The following TMTC2 variants were observed in gnomAD, a reference collection of about 807,000 sequenced individuals.
The protein encoded by TMTC2 is transmembrane O-mannosyltransferase targeting cadherins 2.
TMTC2 carries 43 observed loss-of-function variants against 82.4 expected under a neutral mutation model. That is an observed-to-expected ratio of 0.52 (90% CI 0.41 to 0.67). The LOEUF is 0.67. Among genes scored for constraint, TMTC2 ranks in the 30% least tolerant of loss-of-function variants. TMTC2 has a pLI of 0.00. For synonymous variants in TMTC2, 408 were observed against 381.9 expected (o/e 1.07, Z -0.80); for missense variants, 919 against 1,012.4 (o/e 0.91, Z 1.25).
In TMTC2 at chr12:83,132,500, G is replaced by T; in HGVS notation, c.*111G>T. The T allele has an allele frequency of 7.9e-7, 1 of 1,259,444 alleles. No individual in the cohort carries two copies. 78.0% of individuals were successfully genotyped at this position (1,259,444 alleles called of 1,614,324 possible). A position where few individuals can be genotyped will look rare whatever the true frequency, so the allele number is the denominator to read the frequency against. On this transcript the variant is annotated 3_prime_UTR_variant, in exon 12 of 12. Coordinates refer to ENST00000321196, the MANE Select transcript of TMTC2 (RefSeq NM_152588.3). ...GCTGGTGTTAGACTTCAAGACCAGG[G>T]CAGAGGTCATTGAGGTCACTACCGC...
intron 4 of TMTC2, among the ~76,000 whole-genome samples, chr12:82,931,122 C>A (rs898210054): frequency 4.6e-5 from 7 of 152,004 alleles, no homozygotes; most frequent in African/African-American, 1.5e-4. Flanking sequence ...ATTGCCCAGA[C>A]TGGTGCCTAA....
At chr12:83,126,233 A>G (rs982975398) in intron 11 of TMTC2, among the ~76,000 whole-genome samples, 15 of 152,102 alleles carry the variant, frequency 9.9e-5, no homozygotes, top group Admixed American at 9.8e-4. Context: ...TGGGTACACA[A>G]ATAGTAAAAG....
intron 4 of TMTC2, among the ~76,000 whole-genome samples, chr12:82,959,373 C>G (rs907395634): frequency 6.6e-6 from 1 of 152,086 alleles, no homozygotes; most frequent in African/African-American, 2.4e-5. Flanking sequence ...CAAAGTAATT[C>G]TAAGCAAAAA....
intron 1 of TMTC2, among the ~76,000 whole-genome samples, chr12:82,814,238 T>C (rs1350673684): frequency 1.3e-5 from 2 of 152,276 alleles, no homozygotes; most frequent in East Asian, 3.9e-4. Flanking sequence ...GGAAAAAATT[T>C]GTTTTTCAGA....
At chr12:82,690,038 C>G (rs1348771663) in intron 1 of TMTC2, among the ~76,000 whole-genome samples, 1 of 152,284 alleles carries the variant, frequency 6.6e-6, no homozygotes, top group Middle Eastern at 3.4e-3. Flanking sequence ...AATTATGAGA[C>G]ACATAAATAG....
intron 1 of TMTC2, among the ~76,000 whole-genome samples, chr12:82,827,161 A>G (rs1189118151): frequency 1.3e-5 from 2 of 152,230 alleles, no homozygotes; most frequent in African/African-American, 2.4e-5. Context: ...AAGATGTACA[A>G]CAAAGACATT....
intron 1 of TMTC2, among the ~76,000 whole-genome samples, chr12:82,730,611 CA>C (rs1320748046): frequency 6.6e-6 from 1 of 152,154 alleles, no homozygotes; most frequent in Non-Finnish European, 1.5e-5. Context: ...CTGTTTTGTA[CA>C]GTTGTGTATC....
intron 8 of TMTC2, among the ~76,000 whole-genome samples, chr12:83,020,919 A>G (rs1198785975): frequency 2.6e-5 from 4 of 152,166 alleles, no homozygotes; most frequent in African/African-American, 4.8e-5. Flanking sequence ...CTTAAAATCT[A>G]TCTTTTTTTA....
intron 11 of TMTC2, among the ~76,000 whole-genome samples, chr12:83,112,712 C>T (rs1263014014): frequency 6.6e-6 from 1 of 152,112 alleles, no homozygotes; most frequent in Non-Finnish European, 1.5e-5. Flanking sequence ...AAAGATGTCC[C>T]CTTGTACTTC....
chr12:82,745,013 A>G (rs1039392366), intron 1 of TMTC2, among the ~76,000 whole-genome samples: 1 of 152,158 alleles, frequency 6.6e-6, no homozygotes, highest in Non-Finnish European at 1.5e-5. Flanking sequence ...AAGAATGTAT[A>G]CAAAAGATAT....
intron 4 of TMTC2, among the ~76,000 whole-genome samples, chr12:82,938,122 C>T (rs1402345570): frequency 6.6e-6 from 1 of 151,668 alleles, no homozygotes; most frequent in Non-Finnish European, 1.5e-5. Flanking sequence ...CCATGTTGGC[C>T]AGGCTGGTCT....
chr12:82,994,670 T>A (rs1396363109), intron 8 of TMTC2, among the ~76,000 whole-genome samples: 1 of 151,478 alleles, frequency 6.6e-6, no homozygotes, highest in Non-Finnish European at 1.5e-5. Flanking sequence ...AAAACTTGCA[T>A]TGGATACACA....
chr12:83,010,159 G>A (rs530255471), intron 8 of TMTC2, among the ~76,000 whole-genome samples: 1 of 152,266 alleles, frequency 6.6e-6, no homozygotes, highest in African/African-American at 2.4e-5. Flanking sequence ...TGCTAATATT[G>A]TATAAACATA....
chr12:82,827,764 G>A (rs956335347), intron 1 of TMTC2, among the ~76,000 whole-genome samples: 2 of 151,458 alleles, frequency 1.3e-5, no homozygotes, highest in African/African-American at 4.9e-5. Context: ...GCATGATCAG[G>A]GCTCACTGCA....
rs183090734 is a variant in TMTC2, at chr12:82,873,691, T to G, written c.654+16111T>G. 6.7e-4 allele frequency among the ~76,000 whole-genome samples: 102 copies of G among 152,322 alleles called. No individual in the cohort carries two copies. The Middle Eastern group carries it at 0.017, about 25-fold the overall frequency. ...AGTGATGTTTTACAAATGTCTTACA[T>G]ATGCAACAGGAATTAGGTTGTATTT... On this transcript the variant is annotated intron_variant, in intron 2 of 11. Transcript: ENST00000321196.
At chr12:83,103,055 A>G (rs1884276525) in intron 11 of TMTC2, among the ~76,000 whole-genome samples, 1 of 152,184 alleles carries the variant, frequency 6.6e-6, no homozygotes, top group African/African-American at 2.4e-5. Context: ...TTCCAAAGGC[A>G]AGGAAGAGGG....
At chr12:82,726,933 T>G (rs534219016) in intron 1 of TMTC2, among the ~76,000 whole-genome samples, 3 of 139,400 alleles carry the variant, frequency 2.2e-5, no homozygotes, top group Non-Finnish European at 4.7e-5. Flanking sequence ...GGAGCTCAAA[T>G]AGAGTACCCT....
chr12:83,080,412 A>G (rs958691915), intron 11 of TMTC2, among the ~76,000 whole-genome samples: 3 of 151,954 alleles, frequency 2.0e-5, no homozygotes, highest in African/African-American at 7.3e-5. Context: ...ATGAATGATT[A>G]GCTAAGATTT....
intron 7 of TMTC2, among the ~76,000 whole-genome samples, chr12:82,984,280 C>T (rs905160657): frequency 2.6e-5 from 4 of 151,974 alleles, no homozygotes; most frequent in African/African-American, 9.7e-5. Flanking sequence ...GAGTGTTCAT[C>T]GAACTAGAAA....
Sources: allele counts gnomAD v4.1 joint callset (sites outside exome capture counted in the v4.1 genomes callset), GRCh38; gene constraint gnomAD v4.1.1; transcripts MANE v1.5; gene names NCBI Gene and HGNC (gene_info 2026-07-23, HGNC 2026-07-21).